Variants in SEPTIN14 observed in about 807,000 individuals in gnomAD.
SEPTIN14 encodes the protein septin 14.
In SEPTIN14, 40 loss-of-function variants were observed where a neutral mutation model predicts 53.6. The ratio of observed to expected loss-of-function variants is 0.75; its 90% confidence interval spans 0.58 to 0.97. The LOEUF is 0.97. Ranked by LOEUF, SEPTIN14 falls within the 50% of genes least tolerant of loss-of-function variation. The pLI, the probability that SEPTIN14 is intolerant of heterozygous loss-of-function variation, is 0.00. For synonymous variants in SEPTIN14, 138 were observed against 166.8 expected (o/e 0.83, Z 1.33); for missense variants, 471 against 508.2 (o/e 0.93, Z 0.70).
At chr7:55,796,239 A>C in intron 9 of SEPTIN14, 147 bp from the exon 10 acceptor site, 1 of 626,264 alleles carries the variant, frequency 1.6e-6, no homozygotes, top group Non-Finnish European at 2.8e-6. Flanking sequence ...AGGAGTAAAC[A>C]CTGAGATATG....
At chr7:55,836,001 A>G (rs919315635) in intron 5 of SEPTIN14, among the ~76,000 whole-genome samples, 5 of 152,102 alleles carry the variant, frequency 3.3e-5, no homozygotes, top group Non-Finnish European at 7.4e-5. Flanking sequence ...TCAGCCTCCC[A>G]AAGTGTTGGG....
intron 2 of SEPTIN14, among the ~76,000 whole-genome samples, chr7:55,851,744 C>G (rs1454492415): frequency 6.6e-6 from 1 of 152,134 alleles, no homozygotes; most frequent in Non-Finnish European, 1.5e-5. Context: ...CGCGGTGGCT[C>G]ACACCTGTAA....
intron 8 of SEPTIN14, among the ~76,000 whole-genome samples, chr7:55,806,569 T>C (rs1170613818): frequency 6.6e-6 from 1 of 151,882 alleles, no homozygotes; most frequent in Non-Finnish European, 1.5e-5. Context: ...GTTCAAGCGA[T>C]TCTCCTGCCT....
At chr7:55,846,064 A>ATTATATATATATAT (rs1562718590) in intron 3 of SEPTIN14, among the ~76,000 whole-genome samples, 1 of 7,386 alleles carries the variant, frequency 1.4e-4, no homozygotes, top group African/African-American at 2.9e-4. Flanking sequence ...AAAAAAAAAA[A>ATTATATATATATAT]GTATATATAT....
Position 55,796,078 on chromosome 7 carries a change from G to C in SEPTIN14, c.1134C>G (p.Phe378Leu), listed in dbSNP as rs769797651. The C allele has an allele frequency of 5.9e-6, 9 of 1,523,788 alleles. No individual in the cohort carries two copies. Among genetic ancestry groups the C allele is most frequent in the Non-Finnish European group, 8.1e-6 (9 of 1,114,524 alleles). The allele number at this position is 1,523,788 out of a possible 1,614,324, so 94.4% of individuals were successfully genotyped here. A position where few individuals can be genotyped will look rare whatever the true frequency, so the allele number is the denominator to read the frequency against. ...CCTGTTGAATCATTTTAAGATGCTC[G>C]AACTTGTCCTGCAGCTGTGAAACCA... Reference protein sequence around the residue: ...KEAEKELQDKFEHLKMIQQEE... With the variant: ...KEAEKELQDKLEHLKMIQQEE... Residue 378 changes from phenylalanine to leucine, a missense_variant, in exon 10 of 10, where the codon TTC becomes TTG. Coordinates refer to ENST00000388975, the MANE Select transcript of SEPTIN14 (RefSeq NM_207366.3).
chr7:55,842,279 G>A (rs527575536), intron 5 of SEPTIN14, among the ~76,000 whole-genome samples: 19 of 152,106 alleles, frequency 1.2e-4, no homozygotes, highest in African/African-American at 4.3e-4. Flanking sequence ...GTGCCTTCAA[G>A]ATGTCTTATT....
intron 9 of SEPTIN14, among the ~76,000 whole-genome samples, chr7:55,801,663 C>A (rs1213392240): frequency 2.0e-5 from 3 of 152,018 alleles, no homozygotes; most frequent in African/African-American, 7.2e-5. Flanking sequence ...CTCATGCCTG[C>A]AATCCCAGCA....
chr7:55,828,556 G>A (rs1007514851), intron 6 of SEPTIN14, among the ~76,000 whole-genome samples: 3 of 151,970 alleles, frequency 2.0e-5, no homozygotes, highest in African/African-American at 4.8e-5. Context: ...CGCCCATCTC[G>A]GCCTCCCAAA....
intron 9 of SEPTIN14, among the ~76,000 whole-genome samples, chr7:55,803,999 G>A (rs1052164481): frequency 6.6e-6 from 1 of 150,870 alleles, no homozygotes; most frequent in Admixed American, 6.6e-5. Flanking sequence ...AGTTGGGCAC[G>A]GTGGTGAGCG....
chr7:55,821,213 C>G (rs11769274), intron 6 of SEPTIN14, among the ~76,000 whole-genome samples: 1 of 151,940 alleles, frequency 6.6e-6, no homozygotes, highest in African/African-American at 2.4e-5. Flanking sequence ...ATGCAGCAAA[C>G]AGAGAAGATG....
At chr7:55,826,662 T>C (rs750170127) in intron 6 of SEPTIN14, among the ~76,000 whole-genome samples, 52 of 152,126 alleles carry the variant, frequency 3.4e-4, no homozygotes, top group Non-Finnish European at 6.6e-4. Context: ...GCCAATGTGA[T>C]ATAGGGTGCC....
chr7:55,803,667 G>A (rs188721718), intron 9 of SEPTIN14, among the ~76,000 whole-genome samples: 1 of 152,138 alleles, frequency 6.6e-6, no homozygotes, highest in African/African-American at 2.4e-5. Flanking sequence ...TCAACCCTAA[G>A]AGAACACATA....
chr7:55,855,624 C>T (rs980515490), intron 2 of SEPTIN14, among the ~76,000 whole-genome samples: 2 of 152,254 alleles, frequency 1.3e-5, no homozygotes, highest in African/African-American at 4.8e-5. Flanking sequence ...GGTGCGATCT[C>T]GGCTCACTGC....
In SEPTIN14 at chr7:55,849,946, A is replaced by C. The variant is rs1379721083; in HGVS notation, c.55-3309T>G. Among the ~76,000 whole-genome samples, 3 of 152,182 alleles carry C rather than the reference A, an allele frequency of 2.0e-5. No individual in the cohort carries two copies. The East Asian group carries it at 5.8e-4, about 29-fold the overall frequency. On this transcript the variant is annotated intron_variant, in intron 2 of 9. Transcript: ENST00000388975. Reference sequence around the variant, plus strand: ...TAAATAAATTTCATTGGGAAAAAAAACAAATTATAAAAATGACACAATGGG... The same window carrying C: ...TAAATAAATTTCATTGGGAAAAAAACCAAATTATAAAAATGACACAATGGG...
At chr7:55,808,019 C>T (rs1788637967) in intron 7 of SEPTIN14, among the ~76,000 whole-genome samples, 1 of 152,154 alleles carries the variant, frequency 6.6e-6, no homozygotes, top group South Asian at 2.1e-4. Flanking sequence ...CAAATATTAG[C>T]AGACCTGAGG....
intron 7 of SEPTIN14, among the ~76,000 whole-genome samples, chr7:55,815,906 G>A (rs998622796): frequency 3.9e-5 from 6 of 152,160 alleles, no homozygotes; most frequent in South Asian, 2.1e-4. Flanking sequence ...TCCCATGTTT[G>A]TTACAGCACT....
chr7:55,822,789 A>T (rs1788918362), intron 6 of SEPTIN14, among the ~76,000 whole-genome samples: 1 of 151,504 alleles, frequency 6.6e-6, no homozygotes, highest in Admixed American at 6.6e-5. Context: ...AAACAATAAA[A>T]TTCCTAGAAG....
chr7:55,833,757 T>C (rs949358490), intron 6 of SEPTIN14, among the ~76,000 whole-genome samples: 9 of 142,326 alleles, frequency 6.3e-5, no homozygotes, highest in Non-Finnish European at 1.0e-4. Flanking sequence ...AGAGTTGATT[T>C]GGGGAAAAAA....
chr7:55,841,887 A>T (rs1789319299), intron 5 of SEPTIN14, among the ~76,000 whole-genome samples: 1 of 149,902 alleles, frequency 6.7e-6, no homozygotes, highest in African/African-American at 2.4e-5. Context: ...TTAGCCGGGC[A>T]TGGTGGCACA....
Sources: allele counts gnomAD v4.1 joint callset (sites outside exome capture counted in the v4.1 genomes callset), GRCh38; gene constraint gnomAD v4.1.1; transcripts MANE v1.5; gene names NCBI Gene and HGNC (gene_info 2026-07-23, HGNC 2026-07-21).